HELB: variants seen among roughly 807,000 people sequenced by gnomAD.
The protein encoded by HELB is DNA 5'-3' helicase B.
A neutral mutation model predicts 101.7 loss-of-function variants in HELB; 96 were observed. The ratio of observed to expected loss-of-function variants is 0.94; its 90% CI spans 0.80 to 1.12. The LOEUF is 1.12. HELB is among the 50% of genes most tolerant of loss of function. The pLI is 0.00. For missense variants in HELB, 1,210 were observed against 1,291.9 expected, an observed-to-expected ratio of 0.94 and a Z score of 0.97; for synonymous variants, 437 against 459.7, an observed-to-expected ratio of 0.95 and a Z score of 0.63.
chr12:66,340,714 A>G (rs774983381), downstream of HELB: 21 of 164,296 alleles, frequency 1.3e-4, no homozygotes, highest in Middle Eastern at 2.9e-3. Context: ...TTGGAGTCTC[A>G]GAACTGAAGA....
intron 2 of HELB, among the ~76,000 whole-genome samples, chr12:66,305,974 G>A (rs181394997): frequency 7.2e-5 from 11 of 152,152 alleles, no homozygotes; most frequent in African/African-American, 2.6e-4. Flanking sequence ...AAAAGATTAT[G>A]ATTATAGAAA....
chr12:66,331,331 T>G lies in HELB; in HGVS notation c.2848T>G (p.Phe950Val). The G allele has an allele frequency of 6.2e-7, 1 of 1,614,178 alleles. No individual in the cohort carries two copies. The highest frequency in any genetic ancestry group is 8.5e-7 in the Non-Finnish European group (1 of 1,180,026). Reference protein sequence around the residue: ...SFPRKTRLKHFLQSKLSSSGA... With the variant: ...SFPRKTRLKHVLQSKLSSSGA... The stretch of plus-strand genomic sequence containing the variant: ...TCCTAGAAAAACTCGTTTGAAACAT[T>G]TCTTGCAAAGTAAGCTCTCCTCTAG... Residue 950 changes from phenylalanine (F) to valine (V), a missense_variant, in exon 12 of 13, where the codon TTC becomes GTC. Coordinates refer to ENST00000247815, the MANE Select transcript of HELB (RefSeq NM_001370285.1).
rs895484772 is a variant in HELB at position 66,338,177 on chromosome 12, A to T, written c.*75A>T. ...ATGAACATCGTAACGTCAAAGTACC[A>T]AGATAAAAAAAGTTTCCTATAACTG... On this transcript the variant is annotated 3_prime_UTR_variant, in exon 13 of 13. Transcript: ENST00000247815. 1 of 855,784 alleles carries T rather than the reference A, an allele frequency of 1.2e-6. No individual in the cohort carries two copies. The highest frequency in any genetic ancestry group is 1.7e-5 in the African/African-American group (1 of 58,422). The allele number at this position is 855,784 out of a possible 1,614,324, so 53.0% of individuals were successfully genotyped here.
At chr12:66,335,301 G>A (rs2053854628) in intron 12 of HELB, among the ~76,000 whole-genome samples, 1 of 152,190 alleles carries the variant, frequency 6.6e-6, no homozygotes, top group Admixed American at 6.5e-5. Context: ...AGGAGAGACT[G>A]CAGATAGAGG....
chr12:66,333,685 A>AAAAAC (rs537595558), intron 12 of HELB, among the ~76,000 whole-genome samples: 12 of 152,154 alleles, frequency 7.9e-5, no homozygotes, highest in African/African-American at 2.2e-4. Context: ...ACTCTATCTC[A>AAAAAC]AAAACAAAAC....
chr12:66,304,952 T>C lies in HELB; in HGVS notation c.409T>C (p.Ser137Pro). The change falls in exon 2 of 13, where the codon TCC becomes CCC. Residue 137 changes from serine (S) to proline (P), a missense_variant. Ser to Pro is a moderately conservative substitution (Grantham distance 74). Around this residue, in one of 2 missense-constraint regions of HELB, gnomAD observed 470 missense variants for 563.1 expected, o/e 0.83. Coordinates refer to ENST00000247815, the MANE Select transcript of HELB (RefSeq NM_001370285.1). ...TCTCTTTCTTAAAGAGTGTGAGGTC[T>C]CCAGTGATGATGTTAATAAATTTTT... ...CALFLKECEV[S>P]SDDVNKFLTW... is the part of the protein sequence containing the mutation. 6.2e-7 allele frequency: 1 copy of C among 1,613,994 alleles called. No individual in the cohort carries two copies. The highest frequency in any genetic ancestry group is 8.5e-7 in the Non-Finnish European group (1 of 1,179,908).
At position 66,322,837 on chromosome 12, in the gene HELB, G is replaced by GT; in HGVS notation, c.2297+54_2297+55insT. 20 of 1,247,610 alleles carry GT rather than the reference G, an allele frequency of 1.6e-5. No individual in the cohort carries two copies. In the South Asian group the frequency reaches 1.8e-4, roughly 11 times the overall value. 77.3% of individuals were successfully genotyped at this position (1,247,610 alleles called of 1,614,324 possible). ...AAGGACAGTCCTTCTTCGATTTGCT[G>GT]GTTTTTTTTTTTGCTTTGATGTTTG... On this transcript the variant is annotated intron_variant, in intron 9 of 12. Transcript: ENST00000247815.
intron 6 of HELB, among the ~76,000 whole-genome samples, chr12:66,315,629 T>C (rs2053596193): frequency 6.6e-6 from 1 of 152,200 alleles, no homozygotes; most frequent in African/African-American, 2.4e-5. Flanking sequence ...TAAAAGTATG[T>C]ATATGAATTA....
Position 66,321,174 on chromosome 12 carries a change from A to G in HELB, c.2156-774A>G, listed in dbSNP as rs147902617. 1.0e-2 allele frequency among the ~76,000 whole-genome samples: 1,520 copies of G among 152,316 alleles called. 17 individuals are homozygous for G. The highest frequency in any genetic ancestry group is 0.034 in the African/African-American group (1,411 of 41,566). On this transcript the variant is annotated intron_variant, in intron 7 of 12. Coordinates refer to ENST00000247815, the MANE Select transcript of HELB (RefSeq NM_001370285.1). ...TTGTGATTCATCTGCTATTAGGGAA[A>G]CATACATGGGAAAATGCTTGTACTT...
At chr12:66,336,468 C>G (rs953425836) in intron 12 of HELB, among the ~76,000 whole-genome samples, 1 of 152,140 alleles carries the variant, frequency 6.6e-6, no homozygotes, top group African/African-American at 2.4e-5. Flanking sequence ...GCTTTAAGTG[C>G]TGGCAGCAGA....
intron 3 of HELB, among the ~76,000 whole-genome samples, chr12:66,308,156 C>T (rs996509338): frequency 1.3e-5 from 2 of 151,996 alleles, no homozygotes; most frequent in Non-Finnish European, 2.9e-5. Flanking sequence ...AGATTCTCTC[C>T]CCATTGTGGG....
At chr12:66,304,644 GT>G in intron 1 of HELB, 86 bp from the exon 2 acceptor site, 1 of 1,219,996 alleles carries the variant, frequency 8.2e-7, no homozygotes, top group Non-Finnish European at 1.1e-6. Flanking sequence ...ATTAAAGATA[GT>G]GGTAAGTTTG....
Position 66,306,358 on chromosome 12 carries a change from T to C in HELB, c.621T>C (p.Asn207=). Residue 207 remains asparagine (N), a synonymous_variant, in exon 3 of 13, where the codon AAT becomes AAC. Transcript: ENST00000247815. ...LPLENTIPFR[N]VMTALQFPKI... ...GATATCTTGTAGTTCCATTTAGAAATGTAATGACAGCTTTGCAGTTTCCGA... is the reference window on the plus strand; with the variant it reads ...GATATCTTGTAGTTCCATTTAGAAACGTAATGACAGCTTTGCAGTTTCCGA... The C allele has an allele frequency of 6.3e-7, 1 of 1,590,806 alleles. No homozygotes were observed. Among genetic ancestry groups the C allele is most frequent in the African/African-American group, 1.4e-5 (1 of 73,780 alleles).
Position 66,305,049 on chromosome 12 carries a change from T to A in HELB, c.506T>A (p.Phe169Tyr), listed in dbSNP as rs757218932. The A allele has an allele frequency of 1.2e-6, 2 of 1,612,882 alleles. No individual in the cohort carries two copies. Among genetic ancestry groups the A allele is most frequent in the South Asian group, 2.2e-5 (2 of 90,850 alleles). ...AATCTTAGGGAAACACTAAGAACTT[T>A]CCACAAGGAAACTGGAAGGAAAGAT... ...FENLRETLRT[F>Y]HKETGRKDQK... is the part of the protein sequence containing the mutation. The change falls in exon 2 of 13, where the codon TTC becomes TAC. Residue 169 changes from phenylalanine (F) to tyrosine (Y), a missense_variant. Phe to Tyr is a conservative substitution (Grantham distance 22). Transcript: ENST00000247815.
chr12:66,309,365 T>C (rs2053513030), intron 3 of HELB, among the ~76,000 whole-genome samples: 1 of 152,174 alleles, frequency 6.6e-6, no homozygotes, highest in South Asian at 2.1e-4. Flanking sequence ...CTTAGAAATA[T>C]GGAAGTAAAT....
At chr12:66,318,919 C>A in intron 7 of HELB, 127 bp downstream of exon 7, 1 of 709,540 alleles carries the variant, frequency 1.4e-6, no homozygotes, top group Non-Finnish European at 2.2e-6. Context: ...AAAAAAGAGA[C>A]ATTGAAAATA....
At chr12:66,319,286 GCTT>G (rs1404972366) in intron 7 of HELB, among the ~76,000 whole-genome samples, 6 of 152,160 alleles carry the variant, frequency 3.9e-5, no homozygotes, top group Non-Finnish European at 8.8e-5. Flanking sequence ...TAAACGCATG[GCTT>G]CTTATTATGG....
chr12:66,331,388 C>A lies in HELB; in HGVS notation c.2905C>A (p.Arg969=). 6.2e-7 allele frequency: 1 copy of A among 1,614,200 alleles called. No homozygotes were observed. The highest frequency in any genetic ancestry group is 8.5e-7 in the Non-Finnish European group (1 of 1,180,038). Reference sequence around the variant, plus strand: ...ACCTCCAGCAGATTTTCCGTCCCCACGGAAGAGCTCTGGAGACAGTGGAGG... The same window carrying A: ...ACCTCCAGCAGATTTTCCGTCCCCAAGGAAGAGCTCTGGAGACAGTGGAGG... ...GAPPADFPSP[R]KSSGDSGGPS... is the part of the protein sequence containing the mutation. The change falls in exon 12 of 13, where the codon CGG becomes AGG. Residue 969 remains arginine, a synonymous_variant. Transcript: ENST00000247815.
intron 6 of HELB, among the ~76,000 whole-genome samples, chr12:66,316,746 G>A (rs544053115): frequency 1.4e-4 from 21 of 152,032 alleles, no homozygotes; most frequent in African/African-American, 4.3e-4. Flanking sequence ...TAGGCCAGGC[G>A]CGGTGGCTCA....
Sources: allele counts gnomAD v4.1 joint callset (sites outside exome capture counted in the v4.1 genomes callset), GRCh38; gene constraint gnomAD v4.1.1; regional missense constraint gnomAD v4.1.1; transcripts MANE v1.5; gene names NCBI Gene and HGNC (gene_info 2026-07-23, HGNC 2026-07-21).